The following ZC3H14 variants were observed in gnomAD, a reference collection of about 807,000 sequenced individuals.
ZC3H14 encodes the protein zinc finger CCCH domain-containing protein 14.
In ZC3H14, 31 loss-of-function variants were observed where a neutral mutation model predicts 92.4. That is an observed-to-expected ratio of 0.34 (90% CI 0.25 to 0.45). The LOEUF (loss-of-function observed/expected upper bound fraction) is 0.45. Among genes scored for constraint, ZC3H14 ranks in the 20% least tolerant of loss-of-function variants. The pLI is 1.00. For missense variants in ZC3H14, 781 were observed against 897.3 expected (o/e 0.87, Z 1.66); for synonymous variants, 321 against 300.9 (o/e 1.07, Z -0.69).
At chr14:88,594,879 T>G in intron 9 of ZC3H14, 9 of 1,614,012 alleles carry the variant, frequency 5.6e-6, no homozygotes, top group Non-Finnish European at 7.6e-6. Context: ...CTGATATCAA[T>G]GAAATTAAAG....
intron 1 of ZC3H14, 59 bp from the exon 2 acceptor site, chr14:88,563,576 TCAGCCGCTGCAGAGTC>T: frequency 3.8e-6 from 6 of 1,597,292 alleles, no homozygotes; most frequent in Non-Finnish European, 5.1e-6. Context: ...CAAAGTGGCC[TCAGCCGCTGCAGAGTC>T]CGGTCTTGTT....
intron 2 of ZC3H14, among the ~76,000 whole-genome samples, chr14:88,567,288 T>TGTATTTTTA (rs1183447406): frequency 1.1e-4 from 16 of 151,746 alleles, no homozygotes; most frequent in African/African-American, 3.9e-4. Context: ...GCTAATTTTT[T>TGTATTTTTA]GTATTTTTAG....
chr14:88,577,574 C>CT (rs914927820), intron 8 of ZC3H14, among the ~76,000 whole-genome samples: 35 of 147,122 alleles, frequency 2.4e-4, no homozygotes, highest in South Asian at 4.3e-4. Flanking sequence ...TTTTCTTTTT[C>CT]TTTTTTTTTT....
Position 88,615,184 on chromosome 14 carries a change from G to T in ZC3H14, c.*3433G>T, listed in dbSNP as rs1306016925. 1 of 152,136 alleles carries T rather than the reference G, an allele frequency of 6.6e-6. No individual in the cohort carries two copies. Among genetic ancestry groups the T allele is most frequent in the Non-Finnish European group, 1.5e-5 (1 of 68,028 alleles). The allele number at this position is 152,136 out of a possible 1,614,324, so 9.4% of individuals were successfully genotyped here. A position where few individuals can be genotyped will look rare whatever the true frequency, so the allele number is the denominator to read the frequency against. On this transcript the variant is annotated 3_prime_UTR_variant, in exon 17 of 17. Transcript: ENST00000251038. Reference sequence around the variant, plus strand: ...AATGGAAATGTAGCAGCCATATACTGCTAACTTTGGATCTGTTCCTGAATT... The same window carrying T: ...AATGGAAATGTAGCAGCCATATACTTCTAACTTTGGATCTGTTCCTGAATT...
rs748478280 is a variant in ZC3H14, at chr14:88,622,688, CCA to C, written c.*10940_*10941del. ...CACGGCACCGCCTCAGTTCCTGATCCCACAGTTTAACCGCTCCTCCTTCTTTT... is the reference window on the plus strand; with the variant it reads ...CACGGCACCGCCTCAGTTCCTGATCCCAGTTTAACCGCTCCTCCTTCTTTT... On this transcript the variant is annotated 3_prime_UTR_variant, in exon 17 of 17. Transcript: ENST00000251038. The C allele has an allele frequency of 1.9e-6, 3 of 1,609,360 alleles. No individual in the cohort carries two copies. Among genetic ancestry groups the C allele is most frequent in the East Asian group, 2.2e-5 (1 of 44,680 alleles).
chr14:88,605,379 T>C (rs2085231186), intron 12 of ZC3H14, among the ~76,000 whole-genome samples: 1 of 152,246 alleles, frequency 6.6e-6, no homozygotes, highest in Admixed American at 6.5e-5. Context: ...TTGCCCAGGC[T>C]GGAGTGCATT....
chr14:88,563,038 G>T lies in ZC3H14; in HGVS notation c.-96G>T. ...CGCGGCCGGGGGCGGAACGGAGGAG[G>T]AGGCGGTGGTGTCCCGGCTGCGGGG... is the stretch of plus-strand genomic sequence containing the variant. On this transcript the variant is annotated 5_prime_UTR_variant, in exon 1 of 17. Coordinates refer to ENST00000251038, the MANE Select transcript of ZC3H14 (RefSeq NM_024824.5). The T allele has an allele frequency of 1.3e-6, 2 of 1,508,442 alleles. No homozygotes were observed. Among genetic ancestry groups the T allele is most frequent in the Non-Finnish European group, 1.8e-6 (2 of 1,125,588 alleles). 93.4% of individuals were successfully genotyped at this position (1,508,442 alleles called of 1,614,324 possible). A position where few individuals can be genotyped will look rare whatever the true frequency, so the allele number is the denominator to read the frequency against.
intron 11 of ZC3H14, 85 bp from the exon 12 acceptor site, chr14:88,602,743 A>G (rs2084833472): frequency 1.4e-6 from 2 of 1,387,336 alleles, no homozygotes; most frequent in African/African-American, 2.9e-5. Flanking sequence ...CAAGGGAGTG[A>G]TAGTTCTGCT....
chr14:88,603,955 G>C (rs2084975905), intron 12 of ZC3H14, among the ~76,000 whole-genome samples: 1 of 152,192 alleles, frequency 6.6e-6, no homozygotes, highest in African/African-American at 2.4e-5. Context: ...TTCCTACTGT[G>C]AATCAATGAC....
Position 88,617,903 on chromosome 14 carries a change from A to G in ZC3H14, c.*6152A>G, listed in dbSNP as rs76275250. The G allele has an allele frequency of 5.6e-6, 1 of 177,298 alleles. No individual in the cohort carries two copies. Among genetic ancestry groups the G allele is most frequent in the East Asian group, 1.5e-4 (1 of 6,892 alleles). 11.0% of individuals were successfully genotyped at this position (177,298 alleles called of 1,614,324 possible). A position where few individuals can be genotyped will look rare whatever the true frequency, so the allele number is the denominator to read the frequency against. ...TTCAAGATAGCATTCCTTTAGATAG[A>G]GAATTAATAACAGTTGCTTAACAGC... On this transcript the variant is annotated 3_prime_UTR_variant, in exon 17 of 17. Transcript: ENST00000251038.
rs1555411801 is a variant in ZC3H14, at chr14:88,611,809, A to AAGAT, written c.*60_*63dup. 2.5e-6 allele frequency: 4 copies of AAGAT among 1,610,458 alleles called. No homozygotes were observed. Among genetic ancestry groups the AAGAT allele is most frequent in the Non-Finnish European group, 3.4e-6 (4 of 1,177,018 alleles). Reference sequence around the variant, plus strand: ...TTTGGAAGTTTTCATGTACTGATGAAAGATACTCTACAGAACTTGTCAAAT... The same window carrying AAGAT: ...TTTGGAAGTTTTCATGTACTGATGAAAGATAGATACTCTACAGAACTTGTCAAAT... On this transcript the variant is annotated 3_prime_UTR_variant, in exon 17 of 17. Transcript: ENST00000251038.
intron 1 of ZC3H14, 165 bp from the exon 2 acceptor site, chr14:88,563,486 G>A (rs890790339): frequency 1.1e-5 from 16 of 1,519,310 alleles, no homozygotes; most frequent in African/African-American, 1.4e-5. Context: ...GCTGGAGCTG[G>A]AGTGGGGTGC....
rs183594742 is a variant in ZC3H14, at chr14:88,587,948, T to A, written c.1280-8786T>A. 8.6e-3 allele frequency among the ~76,000 whole-genome samples: 1,304 copies of A among 152,042 alleles called. 7 individuals are homozygous for A. The highest frequency in any genetic ancestry group is 0.027 in the Middle Eastern group (8 of 294). On this transcript the variant is annotated intron_variant, in intron 9 of 16. Transcript: ENST00000251038. Reference sequence around the variant, plus strand: ...CCTGTCTCTAAAAATAAAAAAAAAATTTTAAAGACTATATAAATATTACAA... The same window carrying A: ...CCTGTCTCTAAAAATAAAAAAAAAAATTTAAAGACTATATAAATATTACAA...
chr14:88,621,693 C>G lies in ZC3H14; in HGVS notation c.*9942C>G. 3.7e-6 allele frequency: 1 copy of G among 273,310 alleles called. No individual in the cohort carries two copies. 16.9% of individuals were successfully genotyped at this position (273,310 alleles called of 1,614,324 possible). A position where few individuals can be genotyped will look rare whatever the true frequency, so the allele number is the denominator to read the frequency against. ...GCTTAACTACAATTTAATATGCAGG[C>G]TGAAGATAATATCCGTATGATTTAT... On this transcript the variant is annotated 3_prime_UTR_variant, in exon 17 of 17. Transcript: ENST00000251038.
Position 88,615,766 on chromosome 14 carries a change from T to G in ZC3H14, c.*4015T>G. 6.3e-7 allele frequency: 1 copy of G among 1,580,736 alleles called. No homozygotes were observed. On this transcript the variant is annotated 3_prime_UTR_variant, in exon 17 of 17. Transcript: ENST00000251038. ...ATGCAGGGTTGGGTTTTGGTTTTTCTTCTCTGTAATTCTGGTCTCAAAGTT... is the reference window on the plus strand; with the variant it reads ...ATGCAGGGTTGGGTTTTGGTTTTTCGTCTCTGTAATTCTGGTCTCAAAGTT...
Position 88,621,419 on chromosome 14 carries a change from T to A in ZC3H14, c.*9668T>A. On this transcript the variant is annotated 3_prime_UTR_variant, in exon 17 of 17. Transcript: ENST00000251038. ...GAGAACTTTTTGCTTTGAGCTAATC[T>A]AGTAGCAAGGCAGTCATTAGCTCAT... 1 of 1,179,488 alleles carries A rather than the reference T, an allele frequency of 8.5e-7. No individual in the cohort carries two copies. The highest frequency in any genetic ancestry group is 1.2e-6 in the Non-Finnish European group (1 of 814,942). 73.1% of individuals were successfully genotyped at this position (1,179,488 alleles called of 1,614,324 possible). A position where few individuals can be genotyped will look rare whatever the true frequency, so the allele number is the denominator to read the frequency against.
intron 9 of ZC3H14, chr14:88,594,526 A>G (rs2083546926): frequency 7.0e-7 from 1 of 1,419,066 alleles, no homozygotes; most frequent in Admixed American, 2.9e-5. Context: ...TTAGTTTTGA[A>G]TTCTGACTCT....
At position 88,622,707 on chromosome 14, in the gene ZC3H14, C is replaced by T. The variant is rs371875356; in HGVS notation, c.*10956C>T. ...CTGATCCCACAGTTTAACCGCTCCTCCTTCTTTTGACCTAAGTAAATAACC... is the reference window on the plus strand; with the variant it reads ...CTGATCCCACAGTTTAACCGCTCCTTCTTCTTTTGACCTAAGTAAATAACC... On this transcript the variant is annotated 3_prime_UTR_variant, in exon 17 of 17. Transcript: ENST00000251038. The T allele has an allele frequency of 1.9e-6, 3 of 1,606,600 alleles. No individual in the cohort carries two copies. In the African/African-American group the frequency reaches 4.0e-5, roughly 22 times the overall value.
At position 88,622,687 on chromosome 14, in the gene ZC3H14, C is replaced by G. The variant is rs755300657; in HGVS notation, c.*10936C>G. The G allele has an allele frequency of 1.2e-6, 2 of 1,609,734 alleles. No individual in the cohort carries two copies. Among genetic ancestry groups the G allele is most frequent in the East Asian group, 2.2e-5 (1 of 44,678 alleles). ...GCACGGCACCGCCTCAGTTCCTGAT[C>G]CCACAGTTTAACCGCTCCTCCTTCT... On this transcript the variant is annotated 3_prime_UTR_variant, in exon 17 of 17. Transcript: ENST00000251038.
Sources: allele counts gnomAD v4.1 joint callset (sites outside exome capture counted in the v4.1 genomes callset), GRCh38; gene constraint gnomAD v4.1.1; transcripts MANE v1.5; gene names NCBI Gene and HGNC (gene_info 2026-07-23, HGNC 2026-07-21).